The following SLC22A4 variants were observed in gnomAD, a reference collection of about 807,000 sequenced individuals.
The protein encoded by SLC22A4 is solute carrier family 22 member 4, also known as ET transporter.
A neutral mutation model predicts 56.6 loss-of-function variants in SLC22A4; 39 were observed. That is an observed-to-expected ratio of 0.69 (90% CI 0.53 to 0.90). SLC22A4 has a LOEUF of 0.90. Ranked by LOEUF, SLC22A4 falls within the 40% of genes least tolerant of loss-of-function variation. SLC22A4 has a pLI of 0.00. For synonymous variants in SLC22A4, 241 were observed against 281.4 expected (o/e 0.86, Z 1.44); for missense variants, 594 against 696.5 (o/e 0.85, Z 1.66).
chr5:132,324,235 G>GACAGAA (rs1554083107), intron 4 of SLC22A4, among the ~76,000 whole-genome samples: 3 of 69,388 alleles, frequency 4.3e-5, no homozygotes, highest in African/African-American at 2.3e-4. Flanking sequence ...GATTCTATCA[G>GACAGAA]AGAGAAAGAG....
rs533490757 is a variant in SLC22A4, at chr5:132,338,517, C to A, written c.1445-2048C>A. ...TTAGGTGGGAATTTCCTCATCCTAA[C>A]AAGCCTGGGAGTGCTACGGGAGACT... On this transcript the variant is annotated intron_variant, in intron 8 of 9. Transcript: ENST00000200652. 2.0e-5 allele frequency among the ~76,000 whole-genome samples: 3 copies of A among 152,282 alleles called. No homozygotes were observed. In the South Asian group the frequency reaches 6.2e-4, roughly 32 times the overall value.
intron 1 of SLC22A4, among the ~76,000 whole-genome samples, chr5:132,305,701 CTG>C (rs1750011548): frequency 6.6e-6 from 1 of 152,170 alleles, no homozygotes; most frequent in African/African-American, 2.4e-5. Flanking sequence ...TCCAACAAAA[CTG>C]TCTTTCAAAA....
intron 3 of SLC22A4, among the ~76,000 whole-genome samples, chr5:132,315,717 A>G (rs527999185): frequency 2.6e-5 from 4 of 152,284 alleles, no homozygotes; most frequent in Middle Eastern, 3.4e-3. Context: ...CAGCCTCGCT[A>G]TCAGCTGGGA....
At chr5:132,341,577 AG>A (rs1327876769) in intron 9 of SLC22A4, among the ~76,000 whole-genome samples, 1 of 152,222 alleles carries the variant, frequency 6.6e-6, no homozygotes. Context: ...AGCAAAGTCA[AG>A]GGGGAATAGT....
intron 1 of SLC22A4, 107 bp downstream of exon 1, chr5:132,295,116 C>A: frequency 8.1e-7 from 1 of 1,229,548 alleles, no homozygotes; most frequent in Non-Finnish European, 1.2e-6. Flanking sequence ...TCCCCTCCCC[C>A]TCAAACCTGC....
chr5:132,324,465 T>C (rs2126725353), intron 4 of SLC22A4: 1 of 470,088 alleles, frequency 2.1e-6, no homozygotes, highest in Non-Finnish European at 4.4e-6. Flanking sequence ...CCCCAGGAGC[T>C]GGTCCATGAA....
At chr5:132,313,794 G>A (rs887864969) in intron 3 of SLC22A4, 26 bp downstream of exon 3, 2 of 1,612,068 alleles carry the variant, frequency 1.2e-6, no homozygotes, top group Non-Finnish European at 1.7e-6. Context: ...GGGACATGGG[G>A]TGCTTCCCTC....
chr5:132,339,383 A>T lies in SLC22A4; in HGVS notation c.1445-1182A>T, dbSNP rs1437640536. ...TGTTCAATCTGATGTAGGATCTGAC[A>T]CCCCATGCCTGGTCCTCATTAAGGA... On this transcript the variant is annotated intron_variant, in intron 8 of 9. Transcript: ENST00000200652. 2.0e-5 allele frequency among the ~76,000 whole-genome samples: 3 copies of T among 151,882 alleles called. No individual in the cohort carries two copies. The East Asian group carries it at 5.8e-4, about 29-fold the overall frequency.
At chr5:132,339,675 A>G (rs764992060) in intron 8 of SLC22A4, among the ~76,000 whole-genome samples, 3 of 152,128 alleles carry the variant, frequency 2.0e-5, no homozygotes, top group Non-Finnish European at 2.9e-5. Flanking sequence ...CTTTCAAACT[A>G]TTTCAAACTA....
intron 1 of SLC22A4, among the ~76,000 whole-genome samples, chr5:132,302,273 TCAGA>T (rs1482285635): frequency 3.9e-5 from 6 of 152,272 alleles, no homozygotes; most frequent in South Asian, 2.1e-4. Flanking sequence ...AGCAGAACTC[TCAGA>T]CAGAGTCCAA....
intron 2 of SLC22A4, 22 bp from the exon 3 acceptor site, chr5:132,313,592 T>C: frequency 6.2e-7 from 1 of 1,613,384 alleles, no homozygotes; most frequent in Non-Finnish European, 8.5e-7. Context: ...TCTCATGTTT[T>C]GTGTTATACT....
At chr5:132,302,278 CAG>C (rs1749922251) in intron 1 of SLC22A4, among the ~76,000 whole-genome samples, 1 of 152,100 alleles carries the variant, frequency 6.6e-6, no homozygotes, top group Admixed American at 6.5e-5. Flanking sequence ...AACTCTCAGA[CAG>C]AGTCCAAGGT....
At chr5:132,310,338 A>G (rs1750149408) in intron 1 of SLC22A4, among the ~76,000 whole-genome samples, 1 of 152,258 alleles carries the variant, frequency 6.6e-6, no homozygotes, top group Non-Finnish European at 1.5e-5. Flanking sequence ...CTAAGTCAGA[A>G]GCAGAACCCA....
intron 9 of SLC22A4, among the ~76,000 whole-genome samples, chr5:132,341,650 CTT>C (rs1751222261): frequency 6.6e-6 from 1 of 151,500 alleles, no homozygotes; most frequent in Non-Finnish European, 1.5e-5. Flanking sequence ...AAAGTTGTCT[CTT>C]TAAAAAATGC....
At chr5:132,322,584 T>C (rs1750577655) in intron 4 of SLC22A4, among the ~76,000 whole-genome samples, 1 of 152,210 alleles carries the variant, frequency 6.6e-6, no homozygotes, top group Admixed American at 6.5e-5. Flanking sequence ...ATCTCTTCCT[T>C]GATACCAGCC....
chr5:132,339,502 A>ACACC (rs1409060541), intron 8 of SLC22A4, among the ~76,000 whole-genome samples: 1 of 149,992 alleles, frequency 6.7e-6, no homozygotes, highest in African/African-American at 2.4e-5. Flanking sequence ...ACACACACAC[A>ACACC]CCTGAAAACA....
At position 132,312,248 on chromosome 5, in the gene SLC22A4, G is replaced by C. The variant is rs138375296; in HGVS notation, c.481G>C (p.Gly161Arg). Residue 161 changes from glycine to arginine, a missense_variant, in exon 2 of 10, where the codon GGG (glycine) becomes CGG (arginine). Coordinates refer to ENST00000200652, the MANE Select transcript of SLC22A4 (RefSeq NM_003059.3). The part of the protein sequence containing the change: ...VGVLLGSFVS[G>R]QLSDRFGRKN... ...CGTGCTCCTCGGCTCCTTCGTGTCC[G>C]GGCAGCTGTCAGACAGGTAAGCACA... 3 of 1,612,138 alleles carry C rather than the reference G, an allele frequency of 1.9e-6. No homozygotes were observed. Among genetic ancestry groups the C allele is most frequent in the African/African-American group, 2.7e-5 (2 of 74,966 alleles).
chr5:132,312,129 G>C (rs1750198580), intron 1 of SLC22A4, 32 bp from the exon 2 acceptor site: 1 of 1,341,016 alleles, frequency 7.5e-7, no homozygotes, highest in Admixed American at 1.7e-5. Flanking sequence ...CCTCAGGGTT[G>C]GGCTCACGCT....
At chr5:132,296,382 A>G (rs1220430937) in intron 1 of SLC22A4, among the ~76,000 whole-genome samples, 1 of 152,216 alleles carries the variant, frequency 6.6e-6, no homozygotes, top group African/African-American at 2.4e-5. Flanking sequence ...GGACAGTGAG[A>G]AAATAGTAAG....
Sources: gnomAD v4.1 joint callset for allele counts (sites outside exome capture counted in the v4.1 genomes callset) on GRCh38, gnomAD v4.1.1 for gene constraint, MANE v1.5 for transcripts, NCBI Gene and HGNC (gene_info 2026-07-23, HGNC 2026-07-21) for gene names.